Variants in E2F4 observed in about 807,000 individuals in gnomAD.
E2F4 encodes E2F transcription factor 4, also known as transcription factor E2F4.
In E2F4, 16 loss-of-function variants were observed where a neutral mutation model predicts 44.5. The observed-to-expected ratio is 0.36, with a 90% CI of 0.24 to 0.55. The LOEUF is 0.55. Among genes scored for constraint, E2F4 ranks in the 20% least tolerant of loss-of-function variants. E2F4 has a pLI of 0.87. For missense variants in E2F4, 473 were observed against 522.1 expected (o/e 0.91, Z 0.92); for synonymous variants, 242 against 207.2 (o/e 1.17, Z -1.44).
chr16:67,198,855 G>A lies in E2F4; in HGVS notation c.*732G>A, dbSNP rs2033022122. The stretch of plus-strand genomic sequence containing the variant: ...TATAAAGATTATTTTTATACTTTTT[G>A]CAGCAAAAGGAAATTGTAATATTTG... On this transcript the variant is annotated 3_prime_UTR_variant, in exon 10 of 10. Transcript: ENST00000379378. The A allele has an allele frequency of 2.5e-6, 1 of 400,246 alleles. No individual in the cohort carries two copies. The highest frequency in any genetic ancestry group is 4.5e-6 in the Non-Finnish European group (1 of 223,240). The allele number at this position is 400,246 out of a possible 1,614,324, so 24.8% of individuals were successfully genotyped here. A position where few individuals can be genotyped will look rare whatever the true frequency, so the allele number is the denominator to read the frequency against.
chr16:67,196,123 AGCTCTCTGC>A, intron 7 of E2F4, 117 bp downstream of exon 7: 1 of 1,469,464 alleles, frequency 6.8e-7, no homozygotes, highest in Non-Finnish European at 9.4e-7. Flanking sequence ...TGGACACGAG[AGCTCTCTGC>A]CAGCACCTCT....
Position 67,198,724 on chromosome 16 carries a change from C to T in E2F4, c.*601C>T, listed in dbSNP as rs562457731. The T allele has an allele frequency of 2.1e-5, 4 of 187,586 alleles. No individual in the cohort carries two copies. The highest frequency in any genetic ancestry group is 2.1e-4 in the South Asian group (2 of 9,320). The allele number at this position is 187,586 out of a possible 1,614,324, so 11.6% of individuals were successfully genotyped here. ...GTCCAGCCCTGATGATTGGCCCCAC[C>T]TCCTGCTGCCCCATAACCCTCTCTT... On this transcript the variant is annotated 3_prime_UTR_variant, in exon 10 of 10. Transcript: ENST00000379378.
chr16:67,195,594 G>A, intron 6 of E2F4, 188 bp from the exon 7 acceptor site: 1 of 1,255,524 alleles, frequency 8.0e-7, no homozygotes, highest in Non-Finnish European at 1.1e-6. Context: ...TCTTCTGTAG[G>A]TCTTGTGTCC....
intron 6 of E2F4, 115 bp downstream of exon 6, chr16:67,195,095 A>T: frequency 7.5e-7 from 1 of 1,327,678 alleles, no homozygotes; most frequent in South Asian, 1.5e-5. Flanking sequence ...CCTTTTCCTG[A>T]CCACCTAGCC....
chr16:67,192,256 C>T lies in E2F4; in HGVS notation c.29C>T (p.Pro10Leu). ...GCGGAGGCCGGGCCACAGGCGCCGC[C>T]GCCCCCGGGCACTCCAAGCCGGCAC... is the stretch of plus-strand genomic sequence containing the variant. MAEAGPQAP[P>L]PPGTPSRHEK... The change falls in exon 1 of 10, where the codon CCG becomes CTG. Residue 10 changes from proline (P) to leucine (L), a missense_variant. Physicochemically the swap from Pro to Leu is moderately conservative, Grantham distance 98. Transcript: ENST00000379378. The T allele has an allele frequency of 7.8e-7, 1 of 1,281,696 alleles. No individual in the cohort carries two copies. 79.4% of individuals were successfully genotyped at this position (1,281,696 alleles called of 1,614,324 possible).
chr16:67,197,946 C>T (rs2032998367), intron 9 of E2F4, 35 bp downstream of exon 9: 5 of 1,614,088 alleles, frequency 3.1e-6, no homozygotes, highest in South Asian at 2.2e-5. Context: ...TGGGTGTGGG[C>T]AGGGGTTGGG....
At position 67,198,089 on chromosome 16, in the gene E2F4, G is replaced by A. The variant is rs2033002391; in HGVS notation, c.1208G>A (p.Cys403Tyr). Reference sequence around the variant, plus strand: ...AACCTGGACGAGAGTGAAGGTGTCTGTGACCTCTTTGATGTGCCTGTTCTC... The same window carrying A: ...AACCTGGACGAGAGTGAAGGTGTCTATGACCTCTTTGATGTGCCTGTTCTC... Reference protein sequence around the residue: ...IYNLDESEGVCDLFDVPVLNL With the variant: ...IYNLDESEGVYDLFDVPVLNL Residue 403 changes from cysteine to tyrosine, a missense_variant, in exon 10 of 10, where the codon TGT becomes TAT. Cys to Tyr is a radical substitution (Grantham distance 194). Around this residue, in one of 3 missense-constraint regions of E2F4, gnomAD observed 314 missense variants for 315.6 expected, o/e 0.99. Transcript: ENST00000379378. 6.2e-7 allele frequency: 1 copy of A among 1,613,980 alleles called. No individual in the cohort carries two copies. Among genetic ancestry groups the A allele is most frequent in the Non-Finnish European group, 8.5e-7 (1 of 1,179,996 alleles).
rs1161206984 is a variant in E2F4 at position 67,192,871 on chromosome 16, G to A, written c.245+1G>A. Reference sequence around the variant, plus strand: ...AGTCCAAGAACAGCATCCAGTGGAAGTGAGTGGGCATAGTGGGAGGGTAGT... The same window carrying A: ...AGTCCAAGAACAGCATCCAGTGGAAATGAGTGGGCATAGTGGGAGGGTAGT... On this transcript the variant is annotated splice_donor_variant, in intron 2 of 9. Coordinates refer to ENST00000379378, the MANE Select transcript of E2F4 (RefSeq NM_001950.4). LOFTEE classifies it high-confidence loss of function. 1.9e-6 allele frequency: 3 copies of A among 1,608,848 alleles called. No individual in the cohort carries two copies.
intron 6 of E2F4, 49 bp downstream of exon 6, chr16:67,195,029 T>G: frequency 2.7e-5 from 42 of 1,573,728 alleles, no homozygotes; most frequent in Non-Finnish European, 3.1e-5. Context: ...GTAGTATCTC[T>G]GTGTTGTGGA....
Position 67,195,974 on chromosome 16 carries a change from C to T in E2F4, c.1001C>T (p.Ser334Phe). The change falls in exon 7 of 10, where the codon TCC (serine) becomes TTC (phenylalanine). Residue 334 changes from serine to phenylalanine, a missense_variant. Physicochemically the swap from Ser to Phe is radical, Grantham distance 155 (BLOSUM62 -2). Transcript: ENST00000379378. The stretch of plus-strand genomic sequence containing the variant: ...TCGTCCGGACCCAACCCTTCTACCT[C>T]CTTTGAGCCCATCAAGGCAGACCCC... ...SSSSGPNPST[S>F]FEPIKADPTG... The T allele has an allele frequency of 6.2e-7, 1 of 1,614,194 alleles. No homozygotes were observed. Among genetic ancestry groups the T allele is most frequent in the Non-Finnish European group, 8.5e-7 (1 of 1,180,016 alleles).
chr16:67,198,047 A>G lies in E2F4; in HGVS notation c.1166A>G (p.Asp389Gly). The stretch of plus-strand genomic sequence containing the variant: ...CTTCGTCTTTCTCCACCCCCGGGAG[A>G]CCACGATTATATCTACAACCTGGAC... ...PLLRLSPPPG[D>G]HDYIYNLDES... The change falls in exon 10 of 10, where the codon GAC becomes GGC. Residue 389 changes from aspartate (D) to glycine (G), a missense_variant. Physicochemically the swap from Asp to Gly is moderately conservative, Grantham distance 94. Transcript: ENST00000379378. 1.2e-6 allele frequency: 2 copies of G among 1,613,976 alleles called. No homozygotes were observed. Among genetic ancestry groups the G allele is most frequent in the Non-Finnish European group, 1.7e-6 (2 of 1,179,976 alleles).
intron 1 of E2F4, 144 bp from the exon 2 acceptor site, chr16:67,192,617 A>C: frequency 1.1e-6 from 1 of 940,598 alleles, no homozygotes; most frequent in Non-Finnish European, 1.6e-6. Flanking sequence ...TGCCTATGGG[A>C]CAGAGCTGCG....
Position 67,194,956 on chromosome 16 carries a change from G to T in E2F4, c.784G>T (p.Ala262Ser). The T allele has an allele frequency of 6.2e-7, 1 of 1,613,770 alleles. No homozygotes were observed. ...TGGCAGTGCAGAAGTCCAGGGAATGGCTGGCCCAGCAGCTGAGATCACAGG... is the reference window on the plus strand; with the variant it reads ...TGGCAGTGCAGAAGTCCAGGGAATGTCTGGCCCAGCAGCTGAGATCACAGG... ...VPGSAEVQGM[A>S]GPAAEITVSG... The change falls in exon 6 of 10, where the codon GCT (alanine) becomes TCT (serine). Residue 262 changes from alanine to serine, a missense_variant. Ala to Ser is a moderately conservative substitution (Grantham distance 99). Transcript: ENST00000379378.
At chr16:67,193,901 A>G (rs1161290459) in intron 4 of E2F4, 1 of 287,888 alleles carries the variant, frequency 3.5e-6, no homozygotes, top group African/African-American at 2.2e-5. Context: ...TGCATTGTGA[A>G]TACAGGATCT....
At chr16:67,197,069 G>T (rs979635178) in intron 7 of E2F4, among the ~76,000 whole-genome samples, 1 of 152,156 alleles carries the variant, frequency 6.6e-6, no homozygotes, top group Non-Finnish European at 1.5e-5. Flanking sequence ...ACCTTTAATG[G>T]CTCCTTGAGG....
At chr16:67,193,196 G>T (rs1187904865) in intron 3 of E2F4, 26 bp downstream of exon 3, 1 of 1,554,708 alleles carries the variant, frequency 6.4e-7, no homozygotes, top group East Asian at 2.4e-5. Context: ...TCCCTGCTGG[G>T]GGGAGTGGGC....
At chr16:67,195,565 A>G in intron 6 of E2F4, 1 of 978,656 alleles carries the variant, frequency 1.0e-6, no homozygotes, top group East Asian at 2.7e-5. Context: ...GCCACAGCAG[A>G]CATGTTGACC....
chr16:67,193,327 C>G (rs2032918032), intron 3 of E2F4, 145 bp from the exon 4 acceptor site: 3 of 1,480,512 alleles, frequency 2.0e-6, no homozygotes, highest in South Asian at 2.3e-5. Flanking sequence ...CCACTCTTAG[C>G]CTGTGATCCC....
At chr16:67,192,559 T>G (rs927357190) in intron 1 of E2F4, 197 bp downstream of exon 1, 11 of 1,004,284 alleles carry the variant, frequency 1.1e-5, no homozygotes, top group Non-Finnish European at 1.3e-5. Context: ...AGGCTCGGGC[T>G]GCAGGTGTTC....
Sources: gnomAD v4.1 joint callset for allele counts (sites outside exome capture counted in the v4.1 genomes callset) on GRCh38, gnomAD v4.1.1 for gene constraint, gnomAD v4.1.1 regional missense constraint, MANE v1.5 for transcripts, NCBI Gene and HGNC (gene_info 2026-07-23, HGNC 2026-07-21) for gene names.